CSMD2: variants seen among roughly 807,000 people sequenced by gnomAD.
The protein encoded by CSMD2 is CUB and sushi domain-containing protein 2.
In CSMD2, 130 loss-of-function variants were observed where a neutral mutation model predicts 398.5. That is an observed-to-expected ratio of 0.33 (90% CI 0.28 to 0.38). CSMD2 has a LOEUF of 0.38. Ranked by LOEUF, CSMD2 falls within the 10% of genes least tolerant of loss-of-function variation. The pLI, the probability that CSMD2 is intolerant of heterozygous loss-of-function variation, is 1.00. For synonymous variants in CSMD2, 1,828 were observed against 1,908.5 expected (o/e 0.96, Z 1.10); for missense variants, 3,829 against 4,764.9 (o/e 0.80, Z 5.78).
chr1:34,091,288 T>C (rs750451855), intron 1 of CSMD2, among the ~76,000 whole-genome samples: 3 of 152,174 alleles, frequency 2.0e-5, no homozygotes, highest in African/African-American at 7.2e-5. Flanking sequence ...TAATTTAATA[T>C]TTTGTTTGTA....
Position 34,061,393 on chromosome 1 carries a change from G to A in CSMD2, c.404+27584C>T, listed in dbSNP as rs188500270. On this transcript the variant is annotated intron_variant, in intron 2 of 70. Transcript: ENST00000373381. ...GATTGGCCCCGTTTCGCAACGGCTG[G>A]AGCGGCTGGGACACAGGGCACCAAG... Among the ~76,000 whole-genome samples the A allele has an allele frequency of 1.3e-3, 191 of 152,274 alleles. 3 individuals carry two copies. The highest frequency in any genetic ancestry group is 6.1e-3 in the Admixed American group (94 of 15,302).
At chr1:33,620,290 G>A (rs1016767400) in intron 37 of CSMD2, among the ~76,000 whole-genome samples, 1 of 152,140 alleles carries the variant, frequency 6.6e-6, no homozygotes, top group Non-Finnish European at 1.5e-5. Flanking sequence ...CTGTACAATA[G>A]CAGTTAATTC....
chr1:34,004,731 CT>C (rs753677208), intron 3 of CSMD2, among the ~76,000 whole-genome samples: 41 of 152,010 alleles, frequency 2.7e-4, no homozygotes, highest in Non-Finnish European at 3.5e-4. Context: ...CCCTAGGGGG[CT>C]TTTTAGAACG....
chr1:33,680,198 T>C (rs1301830211), intron 25 of CSMD2, among the ~76,000 whole-genome samples: 3 of 146,364 alleles, frequency 2.0e-5, no homozygotes, highest in East Asian at 4.1e-4. Flanking sequence ...TTGTGATCCC[T>C]GCTTTTTACT....
chr1:34,094,827 A>C (rs924984449), intron 1 of CSMD2, among the ~76,000 whole-genome samples: 1 of 151,446 alleles, frequency 6.6e-6, no homozygotes, highest in Non-Finnish European at 1.5e-5. Flanking sequence ...TTAACACCCC[A>C]CTGTCAACAT....
At chr1:33,788,856 G>C (rs1187538316) in intron 11 of CSMD2, 144 bp from the exon 12 acceptor site, 1 of 609,518 alleles carries the variant, frequency 1.6e-6, no homozygotes, top group Non-Finnish European at 3.0e-6. Flanking sequence ...TCTGACTCTG[G>C]AGCCCAGCAG....
chr1:34,035,831 C>G (rs916461153), intron 2 of CSMD2, among the ~76,000 whole-genome samples: 2 of 151,170 alleles, frequency 1.3e-5, no homozygotes, highest in South Asian at 4.2e-4. Context: ...GATTCAACAA[C>G]TCAGTTAGAA....
rs1553207628 is a variant in CSMD2 at position 33,790,845 on chromosome 1, C to CTATCTATCTATT, written c.1550+1577_1550+1578insAATAGATAGATA. On this transcript the variant is annotated intron_variant, in intron 11 of 70. Coordinates refer to ENST00000373381, the MANE Select transcript of CSMD2 (RefSeq NM_001281956.2). Reference sequence around the variant, plus strand: ...TCTATCTATCTATCTATCTATCTATCATCTATCTATCTATCTCTATCTCCT... The same window carrying CTATCTATCTATT: ...TCTATCTATCTATCTATCTATCTATCTATCTATCTATTATCTATCTATCTATCTCTATCTCCT... 1.1e-4 allele frequency among the ~76,000 whole-genome samples: 14 copies of CTATCTATCTATT among 128,610 alleles called. 1 individual carries two copies. Among genetic ancestry groups the CTATCTATCTATT allele is most frequent in the Non-Finnish European group, 2.4e-4 (14 of 59,550 alleles). The allele number at this position is 128,610 out of a possible 152,430, so 84.4% of individuals were successfully genotyped here. A position where few individuals can be genotyped will look rare whatever the true frequency, so the allele number is the denominator to read the frequency against.
At chr1:34,091,427 A>T (rs1388935677) in intron 1 of CSMD2, among the ~76,000 whole-genome samples, 1 of 152,216 alleles carries the variant, frequency 6.6e-6, no homozygotes, top group Non-Finnish European at 1.5e-5. Flanking sequence ...GAACTAAGGC[A>T]GAAAGAAATT....
intron 25 of CSMD2, among the ~76,000 whole-genome samples, chr1:33,680,141 G>A (rs1356941653): frequency 1.6e-5 from 2 of 123,470 alleles, no homozygotes; most frequent in East Asian, 2.4e-4. Flanking sequence ...AGCCAGGATG[G>A]CCTCGCCTTT....
intron 5 of CSMD2, chr1:33,864,128 G>A: frequency 6.8e-7 from 1 of 1,461,510 alleles, no homozygotes; most frequent in Admixed American, 2.2e-5. Context: ...TGCTCCTGGA[G>A]TGTGGGAACA....
At chr1:33,539,334 A>G (rs907972196) in intron 60 of CSMD2, among the ~76,000 whole-genome samples, 1 of 152,244 alleles carries the variant, frequency 6.6e-6, no homozygotes, top group Admixed American at 6.5e-5. Flanking sequence ...GAGATAATCT[A>G]AATTCATCAC....
intron 55 of CSMD2, among the ~76,000 whole-genome samples, chr1:33,555,862 T>G (rs2148646418): frequency 6.6e-6 from 1 of 152,354 alleles, no homozygotes; most frequent in South Asian, 2.1e-4. Context: ...ATTGCAGTAG[T>G]CTGGGACTGG....
At chr1:34,108,917 G>A (rs1240547382) in intron 1 of CSMD2, among the ~76,000 whole-genome samples, 1 of 152,190 alleles carries the variant, frequency 6.6e-6, no homozygotes, top group Non-Finnish European at 1.5e-5. Context: ...AGGAGGACAG[G>A]TGGGAGGCTA....
intron 31 of CSMD2, among the ~76,000 whole-genome samples, chr1:33,634,017 G>A (rs1303788505): frequency 6.6e-6 from 1 of 152,168 alleles, no homozygotes; most frequent in Non-Finnish European, 1.5e-5. Flanking sequence ...ATCACTGGAG[G>A]GATCCAGGCA....
intron 2 of CSMD2, among the ~76,000 whole-genome samples, chr1:34,062,488 A>G (rs931342134): frequency 2.6e-5 from 4 of 152,166 alleles, no homozygotes; most frequent in African/African-American, 9.7e-5. Context: ...CATGCATTCG[A>G]GCTGGCAGTG....
At chr1:33,671,047 G>A (rs1644480251) in intron 25 of CSMD2, among the ~76,000 whole-genome samples, 1 of 152,148 alleles carries the variant, frequency 6.6e-6, no homozygotes, top group South Asian at 2.1e-4. Context: ...AGACACAGAG[G>A]GGATGTAGAG....
chr1:33,832,085 C>A (rs1659645116), intron 6 of CSMD2, among the ~76,000 whole-genome samples: 1 of 137,104 alleles, frequency 7.3e-6, no homozygotes, highest in African/African-American at 2.9e-5. Context: ...ACCCCACTGT[C>A]AATATTAGAC....
At chr1:33,894,927 C>A (rs1570426839) in intron 5 of CSMD2, among the ~76,000 whole-genome samples, 1 of 152,180 alleles carries the variant, frequency 6.6e-6, no homozygotes, top group Non-Finnish European at 1.5e-5. Flanking sequence ...TCCTTTTCCC[C>A]CAAGATGCCC....
Sources: gnomAD v4.1 joint callset for allele counts (sites outside exome capture counted in the v4.1 genomes callset) on GRCh38, gnomAD v4.1.1 for gene constraint, MANE v1.5 for transcripts, NCBI Gene and HGNC (gene_info 2026-07-23, HGNC 2026-07-21) for gene names.